Variants in DLGAP1 observed in about 807,000 individuals in gnomAD.
DLGAP1 encodes the protein DLG associated protein 1, also known as disks large-associated protein 1.
DLGAP1 carries 11 observed loss-of-function variants against 90.8 expected under a neutral mutation model. The observed-to-expected ratio is 0.12, with a 90% CI of 0.08 to 0.20. The LOEUF is 0.20. Among genes scored for constraint, DLGAP1 ranks in the 10% least tolerant of loss-of-function variants. The pLI, the probability that DLGAP1 is intolerant of heterozygous loss-of-function variation, is 1.00. For synonymous variants in DLGAP1, 558 were observed against 540.7 expected (o/e 1.03, Z -0.44); for missense variants, 1,050 against 1,333.8 (o/e 0.79, Z 3.31).
intron 1 of DLGAP1, among the ~76,000 whole-genome samples, chr18:4,260,095 A>C (rs1252199451): frequency 1.3e-5 from 2 of 152,222 alleles, no homozygotes; most frequent in African/African-American, 4.8e-5. Context: ...TTATGGTTAA[A>C]TATTTAATAA....
At chr18:3,758,445 C>T (rs1217471051) in intron 5 of DLGAP1, among the ~76,000 whole-genome samples, 2 of 152,128 alleles carry the variant, frequency 1.3e-5, no homozygotes, top group Non-Finnish European at 2.9e-5. Context: ...TGATATTGAT[C>T]ATTATTGGCC....
At chr18:4,207,351 C>T (rs1489812430) in intron 1 of DLGAP1, among the ~76,000 whole-genome samples, 1 of 152,104 alleles carries the variant, frequency 6.6e-6, no homozygotes, top group Non-Finnish European at 1.5e-5. Context: ...ACCACAAGAA[C>T]AGGATGAGGG....
chr18:3,523,688 A>C (rs974197452), intron 10 of DLGAP1, among the ~76,000 whole-genome samples: 9 of 152,016 alleles, frequency 5.9e-5, no homozygotes, highest in Non-Finnish European at 1.0e-4. Context: ...TCTACTAAAA[A>C]TACAAAAAAT....
At chr18:3,726,154 G>A (rs1262249826) in intron 7 of DLGAP1, among the ~76,000 whole-genome samples, 2 of 152,214 alleles carry the variant, frequency 1.3e-5, no homozygotes, top group East Asian at 1.9e-4. Flanking sequence ...TGAAAATAAT[G>A]AGCAAAGGAA....
intron 1 of DLGAP1, among the ~76,000 whole-genome samples, chr18:4,385,951 G>A (rs1027281537): frequency 2.0e-5 from 3 of 152,098 alleles, no homozygotes; most frequent in Admixed American, 2.0e-4. Flanking sequence ...AGCTTTTCAA[G>A]CACAGAAAAG....
At chr18:4,247,921 A>G (rs1568470252) in intron 1 of DLGAP1, among the ~76,000 whole-genome samples, 1 of 152,116 alleles carries the variant, frequency 6.6e-6, no homozygotes, top group African/African-American at 2.4e-5. Context: ...TTTCTATTTG[A>G]TCTTCAAATT....
At chr18:3,596,846 C>G (rs764265691) in intron 7 of DLGAP1, 29 of 519,988 alleles carry the variant, frequency 5.6e-5, no homozygotes, top group Non-Finnish European at 1.0e-4. Context: ...AGTGTCATGT[C>G]CTGTCACCAG....
At chr18:3,849,295 T>C (rs2069201887) in intron 4 of DLGAP1, among the ~76,000 whole-genome samples, 1 of 152,176 alleles carries the variant, frequency 6.6e-6, no homozygotes, top group South Asian at 2.1e-4. Flanking sequence ...CATGGGTCAC[T>C]ACACTCTTAG....
chr18:4,329,193 A>C (rs1255683789), intron 1 of DLGAP1, among the ~76,000 whole-genome samples: 1 of 151,924 alleles, frequency 6.6e-6, no homozygotes, highest in African/African-American at 2.4e-5. Flanking sequence ...TTTTGTATGA[A>C]GGATGTGAGG....
chr18:4,284,104 G>A (rs538354850), intron 1 of DLGAP1, among the ~76,000 whole-genome samples: 1 of 151,348 alleles, frequency 6.6e-6, no homozygotes, highest in South Asian at 2.1e-4. Context: ...AGGAGTCTGA[G>A]GCTCAAGCAA....
chr18:4,119,747 C>T (rs2144095770), intron 2 of DLGAP1, among the ~76,000 whole-genome samples: 1 of 152,242 alleles, frequency 6.6e-6, no homozygotes, highest in Non-Finnish European at 1.5e-5. Flanking sequence ...CTTATCTACC[C>T]ACAAAGATGT....
intron 7 of DLGAP1, among the ~76,000 whole-genome samples, chr18:3,593,202 G>A (rs1332441685): frequency 5.3e-5 from 8 of 152,260 alleles, no homozygotes; most frequent in African/African-American, 1.9e-4. Flanking sequence ...ACTCCTTCGT[G>A]CACAGCCATC....
chr18:3,742,456 G>C lies in DLGAP1; in HGVS notation c.1229C>G (p.Ala410Gly). The C allele has an allele frequency of 6.2e-7, 1 of 1,614,176 alleles. No individual in the cohort carries two copies. Among genetic ancestry groups the C allele is most frequent in the East Asian group, 2.2e-5 (1 of 44,884 alleles). The change falls in exon 6 of 13, where the codon GCA (alanine) becomes GGA (glycine). Residue 410 changes from alanine (A) to glycine (G), a missense_variant. By Grantham distance (60) the Ala-to-Gly change is moderately conservative. This residue lies in a region of DLGAP1 where 565 missense variants were observed against 879.7 expected (regional missense o/e 0.64). Transcript: ENST00000315677. ...CCGGTTGATGGAGACTTCACTCACT[G>C]CCCTCAGGTAACTATGACTCCGGAT... ...LQIRSHSYLRAVSEVSINRSL... is the reference protein window; with the variant it reads ...LQIRSHSYLRGVSEVSINRSL...
chr18:3,618,863 T>C (rs1785370), intron 7 of DLGAP1, among the ~76,000 whole-genome samples: 90,039 of 147,254 alleles, frequency 0.61, 27,671 homozygotes, highest in East Asian at 0.78. Flanking sequence ...GGTGTGAACC[T>C]GGGAAGCGGA....
At chr18:4,020,396 T>A (rs1478374127) in intron 2 of DLGAP1, among the ~76,000 whole-genome samples, 1 of 152,230 alleles carries the variant, frequency 6.6e-6, no homozygotes, top group Non-Finnish European at 1.5e-5. Flanking sequence ...GTTAATTCAT[T>A]CATTCTACAG....
chr18:4,444,088 A>T (rs1164787548), intron 1 of DLGAP1, among the ~76,000 whole-genome samples: 1 of 152,232 alleles, frequency 6.6e-6, no homozygotes, highest in Non-Finnish European at 1.5e-5. Context: ...CCCAGATGGC[A>T]GAGAAGGTGA....
At chr18:4,020,567 A>T (rs2074592565) in intron 2 of DLGAP1, among the ~76,000 whole-genome samples, 1 of 152,166 alleles carries the variant, frequency 6.6e-6, no homozygotes, top group Admixed American at 6.5e-5. Flanking sequence ...CTTAGCAAAA[A>T]TTATAACTGA....
rs536506450 is a variant in DLGAP1, at chr18:3,743,354, A to AT, written c.1173-843dup. ...ATGTTAGTTATTTTATTTAATTTTA[A>AT]TTTTTTTTTTATTTTTTTGAGACGG... On this transcript the variant is annotated intron_variant, in intron 5 of 12. Transcript: ENST00000315677. Among the ~76,000 whole-genome samples the AT allele has an allele frequency of 7.6e-4, 114 of 149,652 alleles. 2 individuals are homozygous for AT. The South Asian group carries it at 0.015, about 20-fold the overall frequency.
At chr18:3,613,213 TA>T (rs2057712720) in intron 7 of DLGAP1, among the ~76,000 whole-genome samples, 1 of 152,194 alleles carries the variant, frequency 6.6e-6, no homozygotes, top group Non-Finnish European at 1.5e-5. Context: ...ATTTTCAGGT[TA>T]CATGAATTGT....
Sources: gnomAD v4.1 joint callset for allele counts (sites outside exome capture counted in the v4.1 genomes callset) on GRCh38, gnomAD v4.1.1 for gene constraint, gnomAD v4.1.1 regional missense constraint, MANE v1.5 for transcripts, NCBI Gene and HGNC (gene_info 2026-07-23, HGNC 2026-07-21) for gene names.